MICALL1: variants seen among roughly 807,000 people sequenced by gnomAD.
MICALL1 encodes MICAL-like protein 1.
MICALL1 carries 61 observed loss-of-function variants against 83.7 expected under a neutral mutation model. The observed-to-expected ratio is 0.73, with a 90% confidence interval of 0.59 to 0.90. The LOEUF (loss-of-function observed/expected upper bound fraction) is 0.90, where lower values mean the gene tolerates loss of function less well. MICALL1 is among the 40% of genes least tolerant of loss of function. The pLI is 0.00. For missense variants in MICALL1, 1,066 were observed against 1,152.0 expected, an observed-to-expected ratio of 0.93 and a Z score of 1.08; for synonymous variants, 481 against 473.6, an observed-to-expected ratio of 1.02 and a Z score of -0.20.
chr22:37,937,321 G>T, intron 14 of MICALL1, 127 bp downstream of exon 14: 1 of 740,876 alleles, frequency 1.3e-6, no homozygotes. Flanking sequence ...GGCCAGCCCT[G>T]CCCTCCTACC....
chr22:37,937,634 G>A (rs1930209572), intron 14 of MICALL1, 112 bp from the exon 15 acceptor site: 4 of 1,069,792 alleles, frequency 3.7e-6, no homozygotes, highest in Non-Finnish European at 5.5e-6. Context: ...ATGTTGGCTA[G>A]GCTGATCTCG....
In MICALL1 at chr22:37,924,481, C is replaced by T. The variant is rs1462375594; in HGVS notation, c.1025-179C>T. 2.0e-5 allele frequency among the ~76,000 whole-genome samples: 3 copies of T among 152,120 alleles called. No homozygotes were observed. Among genetic ancestry groups the T allele is most frequent in the African/African-American group, 7.2e-5 (3 of 41,410 alleles). ...GGGTCTCAGGTGGCCTGGCCTTGAC[C>T]CCTGACTGTTCTCAGGCACCTGGGT... On this transcript the variant is annotated intron_variant, in intron 6 of 15. Coordinates refer to ENST00000215957, the MANE Select transcript of MICALL1 (RefSeq NM_033386.4). The surrounding 1 kb of genome is among the most constrained non-coding windows in gnomAD (Gnocchi z 5.2).
rs747201365 is a variant in MICALL1 at position 37,927,734 on chromosome 22, T to G, written c.1789T>G (p.Cys597Gly). The G allele has an allele frequency of 8.4e-5, 136 of 1,613,840 alleles. No homozygotes were observed. The highest frequency in any genetic ancestry group is 1.1e-4 in the Non-Finnish European group (134 of 1,180,020). Reference sequence around the variant, plus strand: ...CTCAGGTCCCCAGCCAGCCAAGCCCTGCAGTGGCGCCACCCCAACGCCTCT... The same window carrying G: ...CTCAGGTCCCCAGCCAGCCAAGCCCGGCAGTGGCGCCACCCCAACGCCTCT... ...GSSGPQPAKP[C>G]SGATPTPLLL... The change falls in exon 9 of 16, where the codon TGC (cysteine) becomes GGC (glycine). Residue 597 changes from cysteine (C) to glycine (G), a missense_variant. Transcript: ENST00000215957.
In MICALL1 at chr22:37,922,129, C is replaced by G. The variant is rs1929074409; in HGVS notation, c.727C>G (p.Gln243Glu). The G allele has an allele frequency of 6.2e-7, 1 of 1,613,174 alleles. No homozygotes were observed. Among genetic ancestry groups the G allele is most frequent in the Non-Finnish European group, 8.5e-7 (1 of 1,180,016 alleles). The change falls in exon 6 of 16, where the codon CAG becomes GAG. Residue 243 changes from glutamine to glutamate, a missense_variant. Gln to Glu is a conservative substitution (Grantham distance 29). Coordinates refer to ENST00000215957, the MANE Select transcript of MICALL1 (RefSeq NM_033386.4). ...PFSQPKQQHQ[Q>E]QLAEDAKDVP... is the part of the protein sequence containing the mutation. ...CTCACAGCCAAAGCAGCAGCACCAG[C>G]AGCAACTCGCAGAAGATGCCAAGGA... is the stretch of plus-strand genomic sequence containing the variant.
At chr22:37,936,865 C>T (rs1930152504) in intron 13 of MICALL1, among the ~76,000 whole-genome samples, 1 of 151,378 alleles carries the variant, frequency 6.6e-6, no homozygotes, top group Non-Finnish European at 1.5e-5. Context: ...GCACTCCAGC[C>T]TGGGCGACAG....
At chr22:37,936,041 T>C (rs903969062) in intron 13 of MICALL1, among the ~76,000 whole-genome samples, 2 of 152,222 alleles carry the variant, frequency 1.3e-5, no homozygotes, top group African/African-American at 2.4e-5. Flanking sequence ...GGATATTTAT[T>C]TGAAGCCAGG....
chr22:37,917,388 G>A (rs1384040468), intron 3 of MICALL1, among the ~76,000 whole-genome samples: 1 of 152,178 alleles, frequency 6.6e-6, no homozygotes, highest in Non-Finnish European at 1.5e-5. Flanking sequence ...TGGCAGGGAA[G>A]CTGCTGGTGT....
chr22:37,908,608 ATGTT>A (rs1191094751), intron 1 of MICALL1, among the ~76,000 whole-genome samples: 2 of 151,858 alleles, frequency 1.3e-5, no homozygotes, highest in African/African-American at 2.4e-5. Context: ...CCCAATAACA[ATGTT>A]TGATTTCTTC....
Position 37,921,952 on chromosome 22 carries a change from C to T in MICALL1, c.570-20C>T, listed in dbSNP as rs1929058772. 4 of 1,541,794 alleles carry T rather than the reference C, an allele frequency of 2.6e-6. No homozygotes were observed. The highest frequency in any genetic ancestry group is 1.3e-5 in the South Asian group (1 of 79,648). ...GCCCAGCTGCCTGGCTAAGTGAACCCCTGTCCTGTCCCCTGCCAGGTGTCG... is the reference window on the plus strand; with the variant it reads ...GCCCAGCTGCCTGGCTAAGTGAACCTCTGTCCTGTCCCCTGCCAGGTGTCG... On this transcript the variant is annotated intron_variant, in intron 5 of 15. Transcript: ENST00000215957.
intron 5 of MICALL1, among the ~76,000 whole-genome samples, chr22:37,920,015 T>A (rs1317899646): frequency 3.3e-5 from 5 of 152,038 alleles, no homozygotes; most frequent in Non-Finnish European, 5.9e-5. Context: ...TCTTTTAAGA[T>A]GGGTCTACTA....
In MICALL1 at chr22:37,917,505, T is replaced by C. The variant is rs553552743; in HGVS notation, c.338-202T>C. On this transcript the variant is annotated intron_variant, in intron 3 of 15. Transcript: ENST00000215957. ...CCCATTTGATGGAGGTTCAGTGAGG[T>C]TCATGGCTTGCCCTCAGCACTTGGC... is the stretch of plus-strand genomic sequence containing the variant. Among the ~76,000 whole-genome samples the C allele has an allele frequency of 1.3e-3, 199 of 152,204 alleles. 1 individual carries two copies. Among genetic ancestry groups the C allele is most frequent in the African/African-American group, 4.5e-3 (185 of 41,542 alleles).
In MICALL1 at chr22:37,927,604, C is replaced by T. The variant is rs78227046; in HGVS notation, c.1659C>T (p.Ser553=). ...CTGGTACCCCTGGAAACCCTGTCAGCCTCTCTACCAACTCCTCCCTGGCCT... is the reference window on the plus strand; with the variant it reads ...CTGGTACCCCTGGAAACCCTGTCAGTCTCTCTACCAACTCCTCCCTGGCCT... ...HAPGTPGNPV[S]LSTNSSLASS... Residue 553 remains serine, a synonymous_variant, in exon 9 of 16, where the codon AGC becomes AGT. Transcript: ENST00000215957. The T allele has an allele frequency of 1.0e-3, 1,634 of 1,613,668 alleles. 17 individuals are homozygous for T. The African/African-American group carries it at 0.019, about 19-fold the overall frequency.
intron 4 of MICALL1, 129 bp from the exon 5 acceptor site, chr22:37,918,907 T>C: frequency 2.5e-6 from 3 of 1,199,698 alleles, no homozygotes; most frequent in Non-Finnish European, 3.3e-6. Context: ...ATGAAGTCCA[T>C]TTCCACCACG....
At chr22:37,931,664 G>C in intron 9 of MICALL1, 135 bp from the exon 10 acceptor site, 1 of 1,009,852 alleles carries the variant, frequency 9.9e-7, no homozygotes, top group Non-Finnish European at 1.5e-6. Flanking sequence ...CGGAATTCAA[G>C]GAGACTGTCT....
chr22:37,927,446 C>T lies in MICALL1; in HGVS notation c.1501C>T (p.Pro501Ser), dbSNP rs1203338534. The part of the protein sequence containing the change: ...HASRLSHSEP[P>S]SATPSPALSV... Reference sequence around the variant, plus strand: ...CTCCCGCCTCTCGCACTCGGAGCCGCCCTCGGCCACACCATCGCCAGCGCT... The same window carrying T: ...CTCCCGCCTCTCGCACTCGGAGCCGTCCTCGGCCACACCATCGCCAGCGCT... Residue 501 changes from proline to serine, a missense_variant, in exon 9 of 16, where the codon CCC becomes TCC. Physicochemically the swap from Pro to Ser is moderately conservative, Grantham distance 74 (BLOSUM62 -1). Coordinates refer to ENST00000215957, the MANE Select transcript of MICALL1 (RefSeq NM_033386.4). 3 of 1,598,914 alleles carry T rather than the reference C, an allele frequency of 1.9e-6. No individual in the cohort carries two copies. In the African/African-American group the frequency reaches 4.0e-5, roughly 21 times the overall value.
intron 5 of MICALL1, 33 bp downstream of exon 5, chr22:37,919,211 A>T: frequency 1.3e-6 from 2 of 1,486,224 alleles, no homozygotes; most frequent in Non-Finnish European, 1.8e-6. Context: ...TACCCCCGAA[A>T]CCAGGGAGGG....
At chr22:37,919,700 T>G (rs1238493669) in intron 5 of MICALL1, among the ~76,000 whole-genome samples, 2 of 151,566 alleles carry the variant, frequency 1.3e-5, no homozygotes, top group African/African-American at 4.8e-5. Flanking sequence ...TAAAAAATTT[T>G]TTTTTGGCCG....
intron 13 of MICALL1, 152 bp from the exon 14 acceptor site, chr22:37,936,928 C>A: frequency 1.7e-6 from 1 of 600,226 alleles, no homozygotes; most frequent in Non-Finnish European, 2.9e-6. Flanking sequence ...TTGTAAGCCC[C>A]ACCTATCGGG....
At chr22:37,936,099 C>G (rs1270939863) in intron 13 of MICALL1, among the ~76,000 whole-genome samples, 1 of 152,142 alleles carries the variant, frequency 6.6e-6, no homozygotes, top group Non-Finnish European at 1.5e-5. Context: ...AGTGTGGGCA[C>G]TCATCCCTGG....
Sources: allele counts gnomAD v4.1 joint callset (sites outside exome capture counted in the v4.1 genomes callset), GRCh38; gene constraint gnomAD v4.1.1; non-coding constraint Gnocchi (gnomAD v3.1); transcripts MANE v1.5; gene names NCBI Gene and HGNC (gene_info 2026-07-23, HGNC 2026-07-21).